The following PTPRZ1 variants were observed in gnomAD, a reference collection of about 807,000 sequenced individuals.
The protein encoded by PTPRZ1 is receptor-type tyrosine-protein phosphatase zeta.
A neutral mutation model predicts 214.1 loss-of-function variants in PTPRZ1; 82 were observed. The observed-to-expected ratio is 0.38, with a 90% CI of 0.32 to 0.46. The LOEUF is 0.46. PTPRZ1 is among the 20% of genes least tolerant of loss of function. PTPRZ1 has a pLI of 1.00. For missense variants in PTPRZ1, 2,603 were observed against 2,748.7 expected, an observed-to-expected ratio of 0.95 and a Z score of 1.19; for synonymous variants, 945 against 987.9, an observed-to-expected ratio of 0.96 and a Z score of 0.81.
intron 17 of PTPRZ1, 70 bp from the exon 18 acceptor site, chr7:122,036,530 C>A: frequency 9.9e-7 from 1 of 1,010,054 alleles, no homozygotes; most frequent in Non-Finnish European, 1.5e-6. Flanking sequence ...AATTATTATG[C>A]AAATATGAAT....
chr7:121,900,110 CCTGTATTTGGATTT>C (rs1273951919), intron 1 of PTPRZ1, among the ~76,000 whole-genome samples: 2 of 152,018 alleles, frequency 1.3e-5, no homozygotes, highest in Non-Finnish European at 2.9e-5. Flanking sequence ...AGGTTGAGAG[CCTGTATTTGGATTT>C]CAGAGTGCAG....
At chr7:121,980,507 C>A (rs1281329477) in intron 6 of PTPRZ1, among the ~76,000 whole-genome samples, 1 of 152,122 alleles carries the variant, frequency 6.6e-6, no homozygotes, top group Non-Finnish European at 1.5e-5. Context: ...ACTAATGAAT[C>A]CGTTAAATCA....
chr7:122,026,753 T>C (rs1318126294), intron 13 of PTPRZ1, among the ~76,000 whole-genome samples: 1 of 152,226 alleles, frequency 6.6e-6, no homozygotes, highest in Non-Finnish European at 1.5e-5. Flanking sequence ...AGGCTTATAC[T>C]ACCACAGTAG....
chr7:121,878,574 T>C (rs538144548), intron 1 of PTPRZ1, among the ~76,000 whole-genome samples: 84 of 152,302 alleles, frequency 5.5e-4, no homozygotes, highest in Middle Eastern at 6.8e-3. Flanking sequence ...GTAGCCTTTA[T>C]GGACTGAGGT....
chr7:121,885,001 A>G (rs963832890), intron 1 of PTPRZ1, among the ~76,000 whole-genome samples: 1 of 152,178 alleles, frequency 6.6e-6, no homozygotes, highest in Non-Finnish European at 1.5e-5. Flanking sequence ...CATAACAATA[A>G]ATAACAATAA....
At chr7:121,996,642 G>C (rs998913576) in intron 9 of PTPRZ1, 76 bp downstream of exon 9, 4 of 1,171,614 alleles carry the variant, frequency 3.4e-6, no homozygotes, top group Admixed American at 2.7e-5. Context: ...ACAAATGGTT[G>C]TATATTATTT....
chr7:121,892,610 CT>C (rs1275167138), intron 1 of PTPRZ1, among the ~76,000 whole-genome samples: 1 of 146,060 alleles, frequency 6.8e-6, no homozygotes, highest in African/African-American at 2.5e-5. Context: ...TTAAATTTGG[CT>C]TTTCAGTTTC....
At chr7:121,874,440 TAG>T (rs1278953613) in intron 1 of PTPRZ1, among the ~76,000 whole-genome samples, 1 of 152,182 alleles carries the variant, frequency 6.6e-6, no homozygotes, top group Non-Finnish European at 1.5e-5. Flanking sequence ...TCCATCGCGA[TAG>T]AATATAATGG....
intron 2 of PTPRZ1, among the ~76,000 whole-genome samples, chr7:121,928,876 A>G (rs10275500): frequency 0.022 from 3,412 of 152,324 alleles, 40 homozygotes; most frequent in Middle Eastern, 0.037. Context: ...GTGGAAGAAT[A>G]TGAGTGGAAT....
intron 22 of PTPRZ1, among the ~76,000 whole-genome samples, chr7:122,044,030 G>A (rs1203468009): frequency 6.6e-6 from 1 of 152,170 alleles, no homozygotes; most frequent in Non-Finnish European, 1.5e-5. Flanking sequence ...TATGACAAGC[G>A]AAAAGGAGAG....
intron 2 of PTPRZ1, among the ~76,000 whole-genome samples, chr7:121,936,114 A>G (rs1796079729): frequency 1.3e-5 from 2 of 152,202 alleles, no homozygotes; most frequent in South Asian, 2.1e-4. Flanking sequence ...TGGAAGGCTT[A>G]TTTAGTTTCA....
At position 122,012,614 on chromosome 7, in the gene PTPRZ1, G is replaced by A. The variant is rs1169076011; in HGVS notation, c.3568G>A (p.Asp1190Asn). 6.2e-7 allele frequency: 1 copy of A among 1,613,780 alleles called. No homozygotes were observed. Residue 1190 changes from aspartate to asparagine, a missense_variant, in exon 12 of 30, where the codon GAT (aspartate) becomes AAT (asparagine). Around this residue, in one of 6 missense-constraint regions of PTPRZ1, gnomAD observed 1,913 missense variants for 1,914.3 expected, o/e 1.00. Coordinates refer to ENST00000393386, the MANE Select transcript of PTPRZ1 (RefSeq NM_002851.3). ...GCTACAACCTTCCTTTCAGGCTTCT[G>A]ATGTTGACACCTTGCTTAAAACTGT... Reference protein sequence around the residue: ...VLLQPSFQASDVDTLLKTVLP... With the variant: ...VLLQPSFQASNVDTLLKTVLP...
In PTPRZ1 at chr7:122,011,503, G is replaced by C. The variant is rs769107338; in HGVS notation, c.2457G>C (p.Leu819Phe). Residue 819 changes from leucine to phenylalanine, a missense_variant, in exon 12 of 30, where the codon TTG (leucine) becomes TTC (phenylalanine). Around this residue, in one of 6 missense-constraint regions of PTPRZ1, gnomAD observed 1,913 missense variants for 1,914.3 expected, o/e 1.00. Transcript: ENST00000393386. The stretch of plus-strand genomic sequence containing the variant: ...TGTCTTCCTATGATGGTGCACCTTT[G>C]CTTCCATTTTCCTCTGCTTCCTTCA... ...SILSSYDGAP[L>F]LPFSSASFSS... is the part of the protein sequence containing the mutation. 4.3e-6 allele frequency: 7 copies of C among 1,613,754 alleles called. No individual in the cohort carries two copies. The highest frequency in any genetic ancestry group is 1.7e-5 in the Admixed American group (1 of 59,986).
At chr7:121,979,351 G>C (rs1436601546) in intron 6 of PTPRZ1, among the ~76,000 whole-genome samples, 3 of 152,114 alleles carry the variant, frequency 2.0e-5, no homozygotes, top group African/African-American at 4.8e-5. Context: ...GACGTTAGTT[G>C]CAATCTTTCG....
At chr7:121,974,038 CTCCTT>C (rs968253102) in intron 4 of PTPRZ1, among the ~76,000 whole-genome samples, 49 of 143,106 alleles carry the variant, frequency 3.4e-4, no homozygotes, top group African/African-American at 1.1e-3. Flanking sequence ...CTCTTATTTT[CTCCTT>C]TCAAGTTCCC....
intron 13 of PTPRZ1, among the ~76,000 whole-genome samples, chr7:122,026,165 T>G (rs2116706205): frequency 6.6e-6 from 1 of 152,218 alleles, no homozygotes; most frequent in African/African-American, 2.4e-5. Flanking sequence ...AAATAAAATC[T>G]AGGAAATAAG....
chr7:121,898,964 G>T (rs1015126211), intron 1 of PTPRZ1, among the ~76,000 whole-genome samples: 5 of 152,142 alleles, frequency 3.3e-5, no homozygotes, highest in Non-Finnish European at 7.4e-5. Context: ...AGCAAGTCCA[G>T]TGTAAACTTT....
chr7:121,968,182 A>G (rs1563042139), intron 3 of PTPRZ1, 52 bp downstream of exon 3: 3 of 1,460,574 alleles, frequency 2.1e-6, no homozygotes, highest in Non-Finnish European at 2.8e-6. Context: ...GACCTGGAGT[A>G]TGTTTAGACT....
rs200882556 is a variant in PTPRZ1, at chr7:122,011,727, G to A, written c.2681G>A (p.Ser894Asn). The part of the protein sequence containing the change: ...HAASETLEFG[S>N]ESGVLYKTLM... ...GCTTCAGAGACGCTGGAATTTGGTA[G>A]TGAATCTGGTGTTCTTTATAAAACG... The change falls in exon 12 of 30, where the codon AGT (serine) becomes AAT (asparagine). Residue 894 changes from serine to asparagine, a missense_variant. By Grantham distance (46) the Ser-to-Asn change is conservative. Around this residue, in one of 6 missense-constraint regions of PTPRZ1, gnomAD observed 1,913 missense variants for 1,914.3 expected, o/e 1.00. Coordinates refer to ENST00000393386, the MANE Select transcript of PTPRZ1 (RefSeq NM_002851.3). The A allele has an allele frequency of 1.1e-3, 1,814 of 1,614,162 alleles. 34 individuals carry two copies. In the South Asian group the frequency reaches 0.019, roughly 17 times the overall value.
Sources: allele counts gnomAD v4.1 joint callset (sites outside exome capture counted in the v4.1 genomes callset), GRCh38; gene constraint gnomAD v4.1.1; regional missense constraint gnomAD v4.1.1; transcripts MANE v1.5; gene names NCBI Gene and HGNC (gene_info 2026-07-23, HGNC 2026-07-21).